DNM2: variants seen among roughly 807,000 people sequenced by gnomAD.
The protein encoded by DNM2 is dynamin 2.
In DNM2, 15 loss-of-function variants were observed where a neutral mutation model predicts 99.0. The ratio of observed to expected loss-of-function variants is 0.15; its 90% CI spans 0.10 to 0.23. The LOEUF (loss-of-function observed/expected upper bound fraction) is 0.23. Ranked by LOEUF, DNM2 falls within the 10% of genes least tolerant of loss-of-function variation. The pLI is 1.00. For missense variants in DNM2, 742 were observed against 1,189.4 expected, an observed-to-expected ratio of 0.62 and a Z score of 5.53; for synonymous variants, 525 against 481.2, an observed-to-expected ratio of 1.09 and a Z score of -1.19.
intron 1 of DNM2, among the ~76,000 whole-genome samples, chr19:10,751,969 C>A (rs1312947923): frequency 1.3e-5 from 2 of 152,238 alleles, no homozygotes; most frequent in South Asian, 4.1e-4. Context: ...ATTCCTGATG[C>A]AAGTCCTGCT....
intron 1 of DNM2, among the ~76,000 whole-genome samples, chr19:10,730,833 C>A (rs2069287330): frequency 6.6e-6 from 1 of 152,196 alleles, no homozygotes; most frequent in South Asian, 2.1e-4. Flanking sequence ...TCCTGCCTGG[C>A]TGCTCAGTGG....
Position 10,816,002 on chromosome 19 carries a change from C to T in DNM2, c.1671+3625C>T, listed in dbSNP as rs1441236936. ...CTAAGAGAGCCCACTGAGGCCACAC[C>T]TGAGGAGAACCCTACTCCCCGTGAG... On this transcript the variant is annotated intron_variant, in intron 15 of 20. Coordinates refer to ENST00000389253, the MANE Select transcript of DNM2 (RefSeq NM_001005361.3). The surrounding 1 kb of genome is among the most constrained non-coding windows in gnomAD (Gnocchi z 4.6). Among the ~76,000 whole-genome samples, 1 of 152,142 alleles carries T rather than the reference C, an allele frequency of 6.6e-6. No individual in the cohort carries two copies. The highest frequency in any genetic ancestry group is 1.5e-5 in the Non-Finnish European group (1 of 68,010).
At chr19:10,794,883 C>G (rs1295542474) in intron 8 of DNM2, among the ~76,000 whole-genome samples, 1 of 152,056 alleles carries the variant, frequency 6.6e-6, no homozygotes, top group Non-Finnish European at 1.5e-5. Context: ...TCATGTCATG[C>G]TTTCTGAAAC....
At chr19:10,771,432 C>A (rs560543666) in intron 2 of DNM2, among the ~76,000 whole-genome samples, 1 of 152,120 alleles carries the variant, frequency 6.6e-6, no homozygotes, top group Non-Finnish European at 1.5e-5. Flanking sequence ...AAACATTTCT[C>A]CTGGGGGATT....
chr19:10,743,563 C>G (rs1027053278), intron 1 of DNM2, among the ~76,000 whole-genome samples: 1 of 151,774 alleles, frequency 6.6e-6, no homozygotes, highest in African/African-American at 2.4e-5. Context: ...GTAATCCCAG[C>G]ACTTTGGGAG....
intron 11 of DNM2, among the ~76,000 whole-genome samples, chr19:10,800,927 G>C (rs923799116): frequency 1.2e-4 from 19 of 152,246 alleles, no homozygotes; most frequent in Admixed American, 3.3e-4. Context: ...GCGTGCACGT[G>C]CACGTGTGTG....
chr19:10,781,018 T>TAAAA (rs5827115), intron 5 of DNM2, among the ~76,000 whole-genome samples: 10 of 114,430 alleles, frequency 8.7e-5, no homozygotes, highest in Admixed American at 1.9e-4. Context: ...ACTCTGTCTT[T>TAAAA]AAAAAAAAAA....
intron 7 of DNM2, among the ~76,000 whole-genome samples, chr19:10,789,442 C>T (rs190409166): frequency 5.3e-5 from 8 of 151,772 alleles, no homozygotes; most frequent in Admixed American, 2.6e-4. Context: ...GTAATCCCAG[C>T]ACATGGGGAT....
At chr19:10,809,285 C>T (rs1337300873) in intron 14 of DNM2, 7 of 152,450 alleles carry the variant, frequency 4.6e-5, no homozygotes, top group African/African-American at 1.7e-4. Flanking sequence ...TGCCTCTTGT[C>T]CTCCAGATAA....
In DNM2 at chr19:10,764,012, G is replaced by A. The variant is rs2070718076; in HGVS notation, c.235+4201G>A. On this transcript the variant is annotated intron_variant, in intron 2 of 20. Coordinates refer to ENST00000389253, the MANE Select transcript of DNM2 (RefSeq NM_001005361.3). The surrounding 1 kb of genome is among the most constrained non-coding windows in gnomAD (Gnocchi z 4.1). ...CAGCATAGGCACCCTTGCTGGGGGA[G>A]GTGGGTGGGAGGTAGGACGCCTTAC... 6.6e-6 allele frequency among the ~76,000 whole-genome samples: 1 copy of A among 152,154 alleles called. No homozygotes were observed.
At position 10,831,757 on chromosome 19, in the gene DNM2, C is replaced by T. The variant is rs1227125519; in HGVS notation, c.*710C>T. On this transcript the variant is annotated 3_prime_UTR_variant, in exon 21 of 21. Transcript: ENST00000389253. This position sits in a 1 kb window ranked among gnomAD's most constrained non-coding sequence, Gnocchi z 4.3. ...GCGGGGGGTCTTGGGGGCCTCTCAG[C>T]TCCCGCCCATGCCTCCCTGATGGGT... 1.0e-6 allele frequency: 1 copy of T among 986,580 alleles called. No individual in the cohort carries two copies. The highest frequency in any genetic ancestry group is 1.2e-6 in the Non-Finnish European group (1 of 830,566). 61.1% of individuals were successfully genotyped at this position (986,580 alleles called of 1,614,324 possible). A position where few individuals can be genotyped will look rare whatever the true frequency, so the allele number is the denominator to read the frequency against.
At position 10,746,857 on chromosome 19, in the gene DNM2, C is replaced by G. The variant is rs531113460; in HGVS notation, c.162-12881C>G. ...GTTCAAGCGGTTTTCCTGCCTCAGC[C>G]TCTCGAGTAGCTGGGATTACAGGTG... On this transcript the variant is annotated intron_variant, in intron 1 of 20. Transcript: ENST00000389253. 4.6e-5 allele frequency among the ~76,000 whole-genome samples: 7 copies of G among 151,190 alleles called. No homozygotes were observed. In the South Asian group the frequency reaches 1.5e-3, roughly 32 times the overall value.
intron 1 of DNM2, among the ~76,000 whole-genome samples, chr19:10,722,632 C>T (rs897927604): frequency 5.9e-5 from 9 of 151,848 alleles, no homozygotes; most frequent in East Asian, 5.8e-4. Context: ...CGTGAGCCAC[C>T]GCGCCTGGCC....
chr19:10,809,575 G>C (rs1273647651), intron 14 of DNM2: 1 of 152,468 alleles, frequency 6.6e-6, no homozygotes, highest in Non-Finnish European at 1.5e-5. Flanking sequence ...CAGCCCAGCG[G>C]GAAGCAGCCT....
intron 1 of DNM2, among the ~76,000 whole-genome samples, chr19:10,750,005 G>A (rs1179739543): frequency 6.6e-6 from 1 of 152,214 alleles, no homozygotes; most frequent in African/African-American, 2.4e-5. Flanking sequence ...GGGGAACCCG[G>A]TCAGCACTGG....
intron 3 of DNM2, among the ~76,000 whole-genome samples, chr19:10,773,953 G>A (rs1391809050): frequency 6.6e-6 from 1 of 152,136 alleles, no homozygotes; most frequent in African/African-American, 2.4e-5. Flanking sequence ...ACAGCAGCCC[G>A]GGGCCATAGA....
intron 18 of DNM2, among the ~76,000 whole-genome samples, chr19:10,827,457 T>C (rs2073178817): frequency 6.6e-6 from 1 of 152,072 alleles, no homozygotes; most frequent in Non-Finnish European, 1.5e-5. Flanking sequence ...TCGGCCCAGC[T>C]ACTCGGGAAG....
At chr19:10,720,059 A>G (rs1198156269) in intron 1 of DNM2, among the ~76,000 whole-genome samples, 1 of 116,122 alleles carries the variant, frequency 8.6e-6, no homozygotes, top group Non-Finnish European at 1.6e-5. Flanking sequence ...TTGAGTGACC[A>G]TCTTCCTGCC....
At chr19:10,802,148 A>G (rs145332348) in intron 11 of DNM2, 140 bp from the exon 12 acceptor site, 1 of 815,762 alleles carries the variant, frequency 1.2e-6, no homozygotes, top group Non-Finnish European at 2.1e-6. Context: ...GGGGAGTGCG[A>G]CGCCAGCCCC....
Sources: gnomAD v4.1 joint callset for allele counts (sites outside exome capture counted in the v4.1 genomes callset) on GRCh38, gnomAD v4.1.1 for gene constraint, Gnocchi (gnomAD v3.1) non-coding constraint, MANE v1.5 for transcripts, NCBI Gene and HGNC (gene_info 2026-07-23, HGNC 2026-07-21) for gene names.